ADGRL3: variants seen among roughly 807,000 people sequenced by gnomAD.
ADGRL3 encodes adhesion G protein-coupled receptor L3.
Under a neutral mutation model 153.5 loss-of-function variants are expected in ADGRL3, and 62 were observed. That is an observed-to-expected ratio of 0.40 (90% CI 0.33 to 0.50). ADGRL3 has a LOEUF of 0.50. Ranked by LOEUF, ADGRL3 falls within the 20% of genes least tolerant of loss-of-function variation. The pLI is 0.47. For missense variants in ADGRL3, 1,641 were observed against 1,859.4 expected, an observed-to-expected ratio of 0.88 and a Z score of 2.16; for synonymous variants, 710 against 672.5, an observed-to-expected ratio of 1.06 and a Z score of -0.86.
chr4:61,343,927 T>C (rs1013107421), intron 1 of ADGRL3, among the ~76,000 whole-genome samples: 2 of 152,228 alleles, frequency 1.3e-5, no homozygotes, highest in African/African-American at 4.8e-5. Flanking sequence ...TTTGTGATTC[T>C]ATAACTTCAC....
At chr4:61,757,310 T>G (rs1437052549) in intron 8 of ADGRL3, among the ~76,000 whole-genome samples, 7 of 152,186 alleles carry the variant, frequency 4.6e-5, no homozygotes, top group Non-Finnish European at 7.3e-5. Flanking sequence ...CTGTTATTGG[T>G]CTATTCAGAG....
At chr4:61,930,992 T>C (rs188332430) in intron 13 of ADGRL3, among the ~76,000 whole-genome samples, 1 of 152,276 alleles carries the variant, frequency 6.6e-6, no homozygotes, top group Admixed American at 6.5e-5. Context: ...AATATAGGTA[T>C]TCATTGAGGA....
intron 5 of ADGRL3, among the ~76,000 whole-genome samples, chr4:61,676,461 TA>T (rs1305269997): frequency 7.2e-5 from 11 of 152,078 alleles, no homozygotes; most frequent in African/African-American, 2.6e-4. Flanking sequence ...TTTTCTAAAA[TA>T]CTTTTTTTTT....
At chr4:61,741,850 T>G (rs1370279208) in intron 8 of ADGRL3, among the ~76,000 whole-genome samples, 2 of 152,260 alleles carry the variant, frequency 1.3e-5, no homozygotes, top group African/African-American at 2.4e-5. Flanking sequence ...CTAACGTTAG[T>G]TGTGTTTCTA....
intron 1 of ADGRL3, among the ~76,000 whole-genome samples, chr4:61,319,900 G>A (rs2095318064): frequency 6.6e-6 from 1 of 152,162 alleles, no homozygotes; most frequent in South Asian, 2.1e-4. Flanking sequence ...GTACTGAATT[G>A]TGCTCCCTGC....
At chr4:61,688,862 C>G (rs1029970470) in intron 6 of ADGRL3, among the ~76,000 whole-genome samples, 1 of 152,196 alleles carries the variant, frequency 6.6e-6, no homozygotes, top group African/African-American at 2.4e-5. Flanking sequence ...ATCTGTCATA[C>G]GATTTAGCTC....
intron 6 of ADGRL3, 28 bp downstream of exon 6, chr4:61,676,963 C>T: frequency 7.1e-7 from 1 of 1,405,190 alleles, no homozygotes; most frequent in Non-Finnish European, 1.0e-6. Context: ...CTTTTCTTGG[C>T]AAGAGAAAAG....
intron 8 of ADGRL3, among the ~76,000 whole-genome samples, chr4:61,801,368 TAAG>T (rs2097494640): frequency 6.6e-6 from 1 of 152,138 alleles, no homozygotes; most frequent in Non-Finnish European, 1.5e-5. Flanking sequence ...ATGTTGATGA[TAAG>T]AACCAATAAT....
At chr4:61,491,777 C>T (rs1230741498) in intron 2 of ADGRL3, among the ~76,000 whole-genome samples, 2 of 152,002 alleles carry the variant, frequency 1.3e-5, no homozygotes, top group African/African-American at 4.8e-5. Context: ...ATCAAGGTGC[C>T]AAATTATACC....
At chr4:61,535,717 T>C (rs888847472) in intron 4 of ADGRL3, among the ~76,000 whole-genome samples, 9 of 152,218 alleles carry the variant, frequency 5.9e-5, no homozygotes, top group East Asian at 3.9e-4. Context: ...GGTTTTCTAG[T>C]TTGTGCACAT....
chr4:61,257,683 T>C (rs1274071358), intron 1 of ADGRL3, among the ~76,000 whole-genome samples: 1 of 152,186 alleles, frequency 6.6e-6, no homozygotes. Flanking sequence ...TTGGTAGATA[T>C]GATGAGTAAC....
chr4:61,418,199 T>A (rs1385086690), intron 2 of ADGRL3, among the ~76,000 whole-genome samples: 1 of 152,248 alleles, frequency 6.6e-6, no homozygotes, highest in African/African-American at 2.4e-5. Flanking sequence ...CAACTTTCTC[T>A]TATATTTTCG....
intron 2 of ADGRL3, among the ~76,000 whole-genome samples, chr4:61,402,048 A>C (rs1228135300): frequency 6.6e-6 from 1 of 152,106 alleles, no homozygotes; most frequent in African/African-American, 2.4e-5. Flanking sequence ...TATTCCAATA[A>C]AATTTTAATA....
intron 21 of ADGRL3, among the ~76,000 whole-genome samples, chr4:62,021,551 A>C (rs2099238336): frequency 6.6e-6 from 1 of 152,112 alleles, no homozygotes; most frequent in Non-Finnish European, 1.5e-5. Context: ...TTTTTGTATT[A>C]ATACTTCCCA....
chr4:61,339,538 A>G (rs1171181988), intron 1 of ADGRL3, among the ~76,000 whole-genome samples: 1 of 152,222 alleles, frequency 6.6e-6, no homozygotes, highest in African/African-American at 2.4e-5. Context: ...ATTAGGATGC[A>G]TTAATTCACA....
rs555291542 is a variant in ADGRL3 at position 61,616,289 on chromosome 4, T to C, written c.473+28849T>C. 6.7e-4 allele frequency among the ~76,000 whole-genome samples: 102 copies of C among 152,282 alleles called. 1 individual carries two copies. Among genetic ancestry groups the C allele is most frequent in the Admixed American group, 1.5e-3 (23 of 15,286 alleles). On this transcript the variant is annotated intron_variant, in intron 5 of 26. Coordinates refer to ENST00000683033, the MANE Select transcript of ADGRL3 (RefSeq NM_001387552.1). ...AGTGTCTTACTGAAAATATGTATGA[T>C]AGAAGCCTAAAACTCCTATAATTGA...
At chr4:61,947,884 A>G (rs2098932110) in intron 16 of ADGRL3, among the ~76,000 whole-genome samples, 1 of 152,138 alleles carries the variant, frequency 6.6e-6, no homozygotes, top group Non-Finnish European at 1.5e-5. Context: ...TGTTAATTTA[A>G]AAAAATAGTG....
chr4:61,732,651 G>C, intron 7 of ADGRL3, 103 bp from the exon 8 acceptor site: 1 of 525,046 alleles, frequency 1.9e-6, no homozygotes. Flanking sequence ...GTGATGGTGG[G>C]TATCTCTTGT....
At chr4:61,886,690 G>A (rs2098541271) in intron 9 of ADGRL3, among the ~76,000 whole-genome samples, 1 of 152,100 alleles carries the variant, frequency 6.6e-6, no homozygotes. Context: ...CGCCCAGGCT[G>A]TAGTGCAGTG....
Sources: gnomAD v4.1 joint callset for allele counts (sites outside exome capture counted in the v4.1 genomes callset) on GRCh38, gnomAD v4.1.1 for gene constraint, MANE v1.5 for transcripts, NCBI Gene and HGNC (gene_info 2026-07-23, HGNC 2026-07-21) for gene names.